NRG1: variants seen among roughly 807,000 people sequenced by gnomAD.
NRG1 encodes the protein neuregulin 1.
Under a neutral mutation model 63.8 loss-of-function variants are expected in NRG1, and 18 were observed. The observed-to-expected ratio is 0.28, with a 90% CI of 0.19 to 0.42. The LOEUF is 0.42. NRG1 is among the 10% of genes least tolerant of loss of function. NRG1 has a pLI of 1.00. For missense variants in NRG1, 762 were observed against 814.7 expected (o/e 0.94, Z 0.79); for synonymous variants, 302 against 301.3 (o/e 1.00, Z -0.02).
At chr8:31,771,085 C>T (rs572917305) in intron 1 of NRG1, among the ~76,000 whole-genome samples, 2 of 152,128 alleles carry the variant, frequency 1.3e-5, no homozygotes, top group Admixed American at 6.6e-5. Context: ...GTAACCACCA[C>T]TACAATCAGA....
At chr8:32,625,578 A>T (rs556786688) in intron 5 of NRG1, among the ~76,000 whole-genome samples, 1 of 152,344 alleles carries the variant, frequency 6.6e-6, no homozygotes, top group East Asian at 1.9e-4. Flanking sequence ...AAATTTAATC[A>T]GTCTTTCCTT....
intron 5 of NRG1, chr8:32,646,799 A>G (rs1853641876): frequency 2.0e-6 from 2 of 985,198 alleles, no homozygotes; most frequent in Non-Finnish European, 2.4e-6. Context: ...TGGATAAAAT[A>G]GGAAGTCACT....
chr8:32,599,731 A>C (rs888453367), intron 2 of NRG1, among the ~76,000 whole-genome samples: 9 of 152,216 alleles, frequency 5.9e-5, no homozygotes, highest in Non-Finnish European at 1.3e-4. Flanking sequence ...ATATGTAAGG[A>C]CTGGCAGATT....
chr8:32,596,678 A>G (rs914381545), intron 2 of NRG1, among the ~76,000 whole-genome samples: 4 of 152,180 alleles, frequency 2.6e-5, no homozygotes, highest in African/African-American at 9.7e-5. Flanking sequence ...TTACACAGTT[A>G]AAATCACAAC....
intron 7 of NRG1, among the ~76,000 whole-genome samples, chr8:32,743,684 A>G (rs1191933149): frequency 6.6e-6 from 1 of 150,784 alleles, no homozygotes; most frequent in East Asian, 2.0e-4. Context: ...AAAAGACCCA[A>G]TTCACATTGT....
chr8:32,262,097 A>G (rs538509099), intron 1 of NRG1, among the ~76,000 whole-genome samples: 1 of 152,204 alleles, frequency 6.6e-6, no homozygotes, highest in Non-Finnish European at 1.5e-5. Context: ...TATTACTTAC[A>G]TGCAAGATTG....
At chr8:32,527,819 G>A (rs1336007576) in intron 1 of NRG1, among the ~76,000 whole-genome samples, 2 of 152,086 alleles carry the variant, frequency 1.3e-5, no homozygotes, top group Admixed American at 6.5e-5. Context: ...TGGAAATCCA[G>A]GCATTTTCTT....
chr8:31,669,244 C>CTTT (rs71208137), intron 1 of NRG1, among the ~76,000 whole-genome samples: 8 of 146,304 alleles, frequency 5.5e-5, no homozygotes, highest in Non-Finnish European at 7.5e-5. Context: ...TTTTTGTATT[C>CTTT]TTTTTTTTTT....
intron 1 of NRG1, among the ~76,000 whole-genome samples, chr8:32,378,700 T>C (rs1379434944): frequency 1.3e-5 from 2 of 152,210 alleles, no homozygotes; most frequent in African/African-American, 4.8e-5. Flanking sequence ...ACATGTGCCA[T>C]GTTGGTGTGC....
intron 1 of NRG1, among the ~76,000 whole-genome samples, chr8:32,264,338 G>GA (rs886670072): frequency 2.6e-5 from 4 of 151,608 alleles, no homozygotes; most frequent in South Asian, 2.1e-4. Flanking sequence ...TCATTTGAGG[G>GA]AAAAAAATTA....
At chr8:32,632,310 T>C (rs1563810639) in intron 5 of NRG1, among the ~76,000 whole-genome samples, 1 of 152,078 alleles carries the variant, frequency 6.6e-6, no homozygotes, top group Non-Finnish European at 1.5e-5. Flanking sequence ...CCCAGCACTT[T>C]GGGAGGCCAA....
chr8:32,158,649 A>G (rs1317180027), intron 1 of NRG1, among the ~76,000 whole-genome samples: 2 of 151,590 alleles, frequency 1.3e-5, no homozygotes, highest in African/African-American at 4.8e-5. Context: ...CATACACACT[A>G]TACTGAATGG....
chr8:31,996,922 G>C (rs564358633), intron 1 of NRG1, among the ~76,000 whole-genome samples: 1 of 151,894 alleles, frequency 6.6e-6, no homozygotes, highest in Admixed American at 6.6e-5. Context: ...TCTACTAAGG[G>C]GGGGTGGGAT....
chr8:32,665,318 T>A (rs1043236798), intron 5 of NRG1, among the ~76,000 whole-genome samples: 1 of 152,186 alleles, frequency 6.6e-6, no homozygotes, highest in Non-Finnish European at 1.5e-5. Context: ...ATTCTCAAGC[T>A]TTTAATTGTA....
intron 1 of NRG1, among the ~76,000 whole-genome samples, chr8:32,474,024 A>G (rs1476240616): frequency 1.3e-5 from 2 of 152,100 alleles, no homozygotes; most frequent in Admixed American, 6.5e-5. Flanking sequence ...TGATCCCTGG[A>G]CACAACCCCA....
intron 5 of NRG1, among the ~76,000 whole-genome samples, chr8:32,707,931 A>G (rs2128975185): frequency 2.1e-4 from 1 of 4,692 alleles, no homozygotes; most frequent in Middle Eastern, 0.5. Context: ...TCATCTTCTG[A>G]AGTTATATGT....
intron 1 of NRG1, among the ~76,000 whole-genome samples, chr8:31,868,248 AC>A (rs1829165608): frequency 6.6e-6 from 1 of 151,940 alleles, no homozygotes. Context: ...TGAGATTAGA[AC>A]CCAGGAACTC....
intron 1 of NRG1, among the ~76,000 whole-genome samples, chr8:32,101,946 C>T (rs1054124023): frequency 2.0e-5 from 3 of 152,080 alleles, no homozygotes; most frequent in Non-Finnish European, 4.4e-5. Flanking sequence ...ATATGCTTTT[C>T]AGTTCACTAT....
intron 1 of NRG1, among the ~76,000 whole-genome samples, chr8:32,065,044 T>C (rs79067195): frequency 0.021 from 3,162 of 152,038 alleles, 39 homozygotes; most frequent in South Asian, 0.039. Flanking sequence ...TATTAATATA[T>C]GGAATTTAGA....
Sources: gnomAD v4.1 joint callset for allele counts (sites outside exome capture counted in the v4.1 genomes callset) on GRCh38, gnomAD v4.1.1 for gene constraint, MANE v1.5 for transcripts, NCBI Gene and HGNC (gene_info 2026-07-23, HGNC 2026-07-21) for gene names.